Variants in CNTN5 observed in about 807,000 individuals in gnomAD.
The protein encoded by CNTN5 is contactin-5.
A neutral mutation model predicts 129.1 loss-of-function variants in CNTN5; 77 were observed. The observed-to-expected ratio is 0.60, with a 90% CI of 0.50 to 0.72. The LOEUF (loss-of-function observed/expected upper bound fraction) is 0.72, where lower values mean the gene tolerates loss of function less well. Ranked by LOEUF, CNTN5 falls within the 30% of genes least tolerant of loss-of-function variation. The pLI, the probability that CNTN5 is intolerant of heterozygous loss-of-function variation, is 0.00. For missense variants in CNTN5, 1,478 were observed against 1,328.8 expected (o/e 1.11, Z -1.75); for synonymous variants, 509 against 465.6 (o/e 1.09, Z -1.20).
intron 18 of CNTN5, 60 bp downstream of exon 18, chr11:100,271,301 T>G: frequency 2.3e-6 from 3 of 1,313,900 alleles, no homozygotes; most frequent in Non-Finnish European, 3.1e-6. Flanking sequence ...TGAAAGTGAG[T>G]TGAATTAACC....
At chr11:99,902,350 T>A (rs2135954532) in intron 6 of CNTN5, among the ~76,000 whole-genome samples, 1 of 152,220 alleles carries the variant, frequency 6.6e-6, no homozygotes, top group South Asian at 2.1e-4. Context: ...CCCTCAATTT[T>A]GCCTTTTGCC....
rs5794012 is a variant in CNTN5, at chr11:99,668,579, CATT to C, written c.55+112313_55+112315del. ...AGGTGGGATTTGAACCAGAAAAAAA[CATT>C]ATACTACTAGTTATCGCTACCACAT... is the stretch of plus-strand genomic sequence containing the variant. On this transcript the variant is annotated intron_variant, in intron 3 of 24. Transcript: ENST00000524871. 7.5e-3 allele frequency among the ~76,000 whole-genome samples: 1,146 copies of C among 152,260 alleles called. 92 individuals are homozygous for C. In the East Asian group the frequency reaches 0.18, roughly 24 times the overall value.
intron 2 of CNTN5, among the ~76,000 whole-genome samples, chr11:99,407,164 C>A (rs1368776678): frequency 6.6e-6 from 1 of 151,928 alleles, no homozygotes; most frequent in Non-Finnish European, 1.5e-5. Context: ...GTGCTGATTC[C>A]CATCTGAAAC....
At chr11:99,022,947 AAGTT>A (rs1355031509) in intron 1 of CNTN5, among the ~76,000 whole-genome samples, 5 of 152,228 alleles carry the variant, frequency 3.3e-5, no homozygotes, top group African/African-American at 1.2e-4. Context: ...ACTGAACAGA[AAGTT>A]AGATTCTTAA....
At chr11:100,099,989 C>G (rs1945163505) in intron 13 of CNTN5, among the ~76,000 whole-genome samples, 2 of 152,094 alleles carry the variant, frequency 1.3e-5, no homozygotes, top group South Asian at 4.1e-4. Flanking sequence ...GAAATTTTCA[C>G]TTTCTTCACT....
At chr11:99,271,859 A>G (rs748680995) in intron 1 of CNTN5, among the ~76,000 whole-genome samples, 1 of 151,896 alleles carries the variant, frequency 6.6e-6, no homozygotes, top group African/African-American at 2.4e-5. Context: ...GAAAAAAGAT[A>G]GAAGCCTCAA....
intron 2 of CNTN5, among the ~76,000 whole-genome samples, chr11:99,339,552 G>A (rs972639487): frequency 6.6e-6 from 1 of 152,056 alleles, no homozygotes; most frequent in East Asian, 1.9e-4. Context: ...GGCCGAGACG[G>A]GTGGATCACG....
intron 3 of CNTN5, among the ~76,000 whole-genome samples, chr11:99,712,461 G>A (rs1050428323): frequency 3.2e-4 from 48 of 152,232 alleles, no homozygotes; most frequent in African/African-American, 1.2e-3. Flanking sequence ...TTCTTTTGCT[G>A]TGCAGTAGCT....
At chr11:99,157,238 A>C (rs1293736960) in intron 1 of CNTN5, among the ~76,000 whole-genome samples, 1 of 152,038 alleles carries the variant, frequency 6.6e-6, no homozygotes, top group African/African-American at 2.4e-5. Context: ...GAAATGTAAG[A>C]AAATATGTAT....
intron 3 of CNTN5, among the ~76,000 whole-genome samples, chr11:99,788,405 G>A (rs539476347): frequency 1.1e-4 from 16 of 151,934 alleles, no homozygotes; most frequent in African/African-American, 3.6e-4. Context: ...TCAAAGACAG[G>A]ACTTATTTCG....
rs116237143 is a variant in CNTN5, at chr11:100,044,883, A to G, written c.981-16329A>G. ...CTGAGAACTCAGAAAAGTTATACTG[A>G]GGAGTTAATAAACATAGTGAGACTG... On this transcript the variant is annotated intron_variant, in intron 9 of 24. Coordinates refer to ENST00000524871, the MANE Select transcript of CNTN5 (RefSeq NM_014361.4). 1.7e-3 allele frequency among the ~76,000 whole-genome samples: 265 copies of G among 152,246 alleles called. 1 individual carries two copies. Among genetic ancestry groups the G allele is most frequent in the African/African-American group, 5.6e-3 (232 of 41,558 alleles).
intron 8 of CNTN5, among the ~76,000 whole-genome samples, chr11:99,994,108 AC>A (rs1270203012): frequency 6.6e-6 from 1 of 151,978 alleles, no homozygotes; most frequent in Admixed American, 6.6e-5. Context: ...GGGCAAAATT[AC>A]CCCCCAAATA....
At chr11:99,169,689 CA>C (rs1861056471) in intron 1 of CNTN5, among the ~76,000 whole-genome samples, 1 of 151,826 alleles carries the variant, frequency 6.6e-6, no homozygotes, top group Non-Finnish European at 1.5e-5. Context: ...AAGAAAATTT[CA>C]AAAAGAGGAA....
At chr11:99,699,191 T>C (rs547549952) in intron 3 of CNTN5, among the ~76,000 whole-genome samples, 15 of 151,444 alleles carry the variant, frequency 9.9e-5, no homozygotes, top group Non-Finnish European at 7.4e-5. Context: ...AAGCAAATCC[T>C]TTTAGTATTT....
intron 1 of CNTN5, among the ~76,000 whole-genome samples, chr11:99,198,323 C>G (rs1205783584): frequency 1.3e-5 from 2 of 152,056 alleles, no homozygotes; most frequent in African/African-American, 4.8e-5. Flanking sequence ...TTTTGAGAAC[C>G]ACGATGAAGT....
chr11:99,753,437 T>C (rs550389909), intron 3 of CNTN5, among the ~76,000 whole-genome samples: 13 of 151,738 alleles, frequency 8.6e-5, no homozygotes, highest in African/African-American at 2.9e-4. Flanking sequence ...TTTGTCATTA[T>C]AGTTTTCACC....
chr11:99,050,001 G>A (rs941019207), intron 1 of CNTN5, among the ~76,000 whole-genome samples: 3 of 152,090 alleles, frequency 2.0e-5, no homozygotes, highest in African/African-American at 7.2e-5. Flanking sequence ...AGTTGATGGT[G>A]AGAGTATTAT....
intron 3 of CNTN5, among the ~76,000 whole-genome samples, chr11:99,594,136 A>G (rs986100783): frequency 6.6e-6 from 1 of 152,172 alleles, no homozygotes; most frequent in African/African-American, 2.4e-5. Flanking sequence ...CAGTATTGTT[A>G]TACTTTTTAA....
rs374221306 is a variant in CNTN5 at position 99,944,365 on chromosome 11, AAAT to A, written c.674-12435_674-12433del. Among the ~76,000 whole-genome samples the A allele has an allele frequency of 2.8e-3, 420 of 152,204 alleles. 3 individuals are homozygous for A. Among genetic ancestry groups the A allele is most frequent in the South Asian group, 0.018 (89 of 4,832 alleles). On this transcript the variant is annotated intron_variant, in intron 7 of 24. Transcript: ENST00000524871. ...AGGAGATAGTTAAGAACGTATCTCA[AAAT>A]AATAAGAGCTATTTATGACAAACCT...
Sources: gnomAD v4.1 joint callset for allele counts (sites outside exome capture counted in the v4.1 genomes callset) on GRCh38, gnomAD v4.1.1 for gene constraint, MANE v1.5 for transcripts, NCBI Gene and HGNC (gene_info 2026-07-23, HGNC 2026-07-21) for gene names.